The following GALNT9 variants were observed in gnomAD, a reference collection of about 807,000 sequenced individuals.
GALNT9 encodes GalNAc transferase 9.
GALNT9 carries 47 observed loss-of-function variants against 63.1 expected under a neutral mutation model. The observed-to-expected ratio is 0.75, with a 90% CI of 0.59 to 0.95. GALNT9 has a LOEUF of 0.95. Ranked by LOEUF, GALNT9 falls within the 40% of genes least tolerant of loss-of-function variation. GALNT9 has a pLI of 0.00. For synonymous variants in GALNT9, 396 were observed against 365.7 expected, an observed-to-expected ratio of 1.08 and a Z score of -0.94; for missense variants, 829 against 874.8, an observed-to-expected ratio of 0.95 and a Z score of 0.66.
chr12:132,210,818 TCGCCG>T (rs1473958972), intron 6 of GALNT9, among the ~76,000 whole-genome samples: 6 of 138,754 alleles, frequency 4.3e-5, no homozygotes, highest in African/African-American at 1.9e-4. Flanking sequence ...ATCTGGGTGG[TCGCCG>T]TCTGGAGGTC....
chr12:132,213,398 C>T (rs190833985), intron 6 of GALNT9, among the ~76,000 whole-genome samples: 47 of 152,220 alleles, frequency 3.1e-4, no homozygotes, highest in East Asian at 3.1e-3. Flanking sequence ...GAAAATGCAC[C>T]GCAGATGCAC....
At position 132,329,143 on chromosome 12, in the gene GALNT9, TG is replaced by T; in HGVS notation, c.60del (p.Ile21SerfsTer21). 6.5e-7 allele frequency: 1 copy of T among 1,549,490 alleles called. No homozygotes were observed. ...CGGCAGTACACGGAGAACAGGACGA[TG>T]CCCACGAACACCAGGATGTTCACCG... The part of the protein sequence containing the change: ...LLTVNILVFV[G>X]IVLFSVYCRL... On this transcript the variant is annotated frameshift_variant, in exon 1 of 11. Transcript: ENST00000328957. LOFTEE classifies it high-confidence loss of function.
chr12:132,215,767 C>T (rs972644080), intron 6 of GALNT9, among the ~76,000 whole-genome samples: 1 of 152,196 alleles, frequency 6.6e-6, no homozygotes. Flanking sequence ...GGGCGGGGGG[C>T]AGCCTCGCAT....
At chr12:132,287,262 G>C (rs1303689993) in intron 1 of GALNT9, among the ~76,000 whole-genome samples, 2 of 152,230 alleles carry the variant, frequency 1.3e-5, no homozygotes, top group African/African-American at 4.8e-5. Context: ...TGTGCCTGCG[G>C]GGCAGAGGAT....
In GALNT9 at chr12:132,291,534, GTCCACACCACCGACA is replaced by G. The variant is rs1376356120; in HGVS notation, c.239-5119_239-5105del. On this transcript the variant is annotated intron_variant, in intron 1 of 10. Coordinates refer to ENST00000328957, the MANE Select transcript of GALNT9 (RefSeq NM_001122636.2). ...CACCACCCACATCCACAGCACCCAC[GTCCACACCACCGACA>G]TCCACAGCACCCACAACCACAGCGC... Among the ~76,000 whole-genome samples the G allele has an allele frequency of 3.2e-3, 368 of 113,474 alleles. 11 individuals carry two copies. The highest frequency in any genetic ancestry group is 0.012 in the African/African-American group (350 of 28,874). The allele number at this position is 113,474 out of a possible 152,430, so 74.4% of individuals were successfully genotyped here.
At chr12:132,284,674 G>C (rs782187407) in intron 2 of GALNT9, 1 of 152,256 alleles carries the variant, frequency 6.6e-6, no homozygotes, top group African/African-American at 2.4e-5. Flanking sequence ...TAAAGGACTC[G>C]GGGAAACCCC....
chr12:132,268,083 GCACA>G (rs1167184962), intron 2 of GALNT9, among the ~76,000 whole-genome samples: 1 of 139,108 alleles, frequency 7.2e-6, no homozygotes, highest in Non-Finnish European at 1.5e-5. Flanking sequence ...GCAGTCACAT[GCACA>G]CAAACCCACA....
chr12:132,270,125 A>G (rs1879812173), intron 2 of GALNT9, among the ~76,000 whole-genome samples: 1 of 152,248 alleles, frequency 6.6e-6, no homozygotes, highest in South Asian at 2.1e-4. Context: ...CACCTATTAT[A>G]GGATATAGTG....
intron 9 of GALNT9, among the ~76,000 whole-genome samples, chr12:132,198,829 T>G (rs1875758200): frequency 6.6e-6 from 1 of 152,164 alleles, no homozygotes; most frequent in South Asian, 2.1e-4. Context: ...TTTTTGTATT[T>G]TTTGTAGCGA....
rs369087111 is a variant in GALNT9, at chr12:132,248,048, C to T, written c.960-21G>A. The T allele has an allele frequency of 6.0e-5, 93 of 1,541,488 alleles. No homozygotes were observed. The African/African-American group carries it at 1.2e-3, about 20-fold the overall frequency. ...GGGTCCTGGGAGGCAGAGACAGCGG[C>T]GTGAGGACCTCGCCATGCAGGCCTG... On this transcript the variant is annotated intron_variant, in intron 5 of 10. Coordinates refer to ENST00000328957, the MANE Select transcript of GALNT9 (RefSeq NM_001122636.2).
At chr12:132,323,636 C>T (rs1868902837) in intron 1 of GALNT9, among the ~76,000 whole-genome samples, 1 of 152,250 alleles carries the variant, frequency 6.6e-6, no homozygotes, top group African/African-American at 2.4e-5. Context: ...TGCCAGGCTC[C>T]TCCGAGTGCC....
At chr12:132,292,995 C>T (rs534462803) in intron 1 of GALNT9, among the ~76,000 whole-genome samples, 203 of 152,308 alleles carry the variant, frequency 1.3e-3, no homozygotes, top group African/African-American at 4.4e-3. Flanking sequence ...CTAGGAATTC[C>T]GCACACTTGA....
rs1405657349 is a variant in GALNT9 at position 132,282,085 on chromosome 12, C to T, written c.419+4165G>A. Among the ~76,000 whole-genome samples the T allele has an allele frequency of 1.3e-5, 2 of 149,084 alleles. No individual in the cohort carries two copies. The highest frequency in any genetic ancestry group is 5.0e-5 in the African/African-American group (2 of 39,998). Reference sequence around the variant, plus strand: ...AAGCCCAGGCCTGGGGGTCCCTGATCCCACAGAGGAGGAATCAGCTCCACT... The same window carrying T: ...AAGCCCAGGCCTGGGGGTCCCTGATTCCACAGAGGAGGAATCAGCTCCACT... On this transcript the variant is annotated intron_variant, in intron 2 of 10. Transcript: ENST00000328957. This position sits in a 1 kb window ranked among gnomAD's most constrained non-coding sequence, Gnocchi z 4.5.
intron 5 of GALNT9, among the ~76,000 whole-genome samples, chr12:132,253,847 T>C (rs1407213534): frequency 6.6e-6 from 1 of 152,114 alleles, no homozygotes; most frequent in Admixed American, 6.5e-5. Context: ...GGGGCAAGTG[T>C]GTAAATGTCT....
At chr12:132,204,676 C>T (rs1193657248) in intron 6 of GALNT9, among the ~76,000 whole-genome samples, 1 of 152,128 alleles carries the variant, frequency 6.6e-6, no homozygotes, top group African/African-American at 2.4e-5. Flanking sequence ...GCCCACGTCC[C>T]CACCATCTGC....
At chr12:132,285,541 G>A (rs1262886048) in intron 2 of GALNT9, among the ~76,000 whole-genome samples, 1 of 152,262 alleles carries the variant, frequency 6.6e-6, no homozygotes, top group Non-Finnish European at 1.5e-5. Flanking sequence ...TGATTCACCC[G>A]CTCTTGCAGC....
intron 7 of GALNT9, among the ~76,000 whole-genome samples, chr12:132,202,321 G>A (rs145901999): frequency 7.2e-5 from 11 of 152,330 alleles, no homozygotes; most frequent in African/African-American, 2.4e-4. Flanking sequence ...AAACAAGGCT[G>A]TAGGAGCACC....
rs1225812843 is a variant in GALNT9 at position 132,265,298 on chromosome 12, C to T, written c.420-2673G>A. Among the ~76,000 whole-genome samples, 4 of 152,314 alleles carry T rather than the reference C, an allele frequency of 2.6e-5. No homozygotes were observed. Among genetic ancestry groups the T allele is most frequent in the Middle Eastern group, 3.4e-3 (1 of 292 alleles). ...GGAGAAAATGACGGCTGGACCGGTCCTCCCCGTGGAAGCCTTTCCTTCCGT... is the reference window on the plus strand; with the variant it reads ...GGAGAAAATGACGGCTGGACCGGTCTTCCCCGTGGAAGCCTTTCCTTCCGT... On this transcript the variant is annotated intron_variant, in intron 2 of 10. Coordinates refer to ENST00000328957, the MANE Select transcript of GALNT9 (RefSeq NM_001122636.2). The surrounding 1 kb of genome is among the most constrained non-coding windows in gnomAD (Gnocchi z 5.3).
intron 6 of GALNT9, 166 bp downstream of exon 6, chr12:132,247,744 C>G (rs1555238153): frequency 8.7e-7 from 1 of 1,152,882 alleles, no homozygotes; most frequent in Admixed American, 2.1e-5. Context: ...ACCCCGTCCC[C>G]AGATGCCGTG....
Sources: gnomAD v4.1 joint callset for allele counts (sites outside exome capture counted in the v4.1 genomes callset) on GRCh38, gnomAD v4.1.1 for gene constraint, Gnocchi (gnomAD v3.1) non-coding constraint, MANE v1.5 for transcripts, NCBI Gene and HGNC (gene_info 2026-07-23, HGNC 2026-07-21) for gene names.